GGACT: variants seen among roughly 807,000 people sequenced by gnomAD.
The protein encoded by GGACT is gamma-glutamylamine cyclotransferase, also known as gamma-glutamylaminecyclotransferase.
For synonymous variants in GGACT, 118 were observed against 115.3 expected, an observed-to-expected ratio of 1.02 and a Z score of -0.15; for missense variants, 241 against 233.2, an observed-to-expected ratio of 1.03 and a Z score of -0.22.
chr13:100,585,562 G>C (rs916252600), intron 1 of GGACT, among the ~76,000 whole-genome samples: 7 of 152,076 alleles, frequency 4.6e-5, no homozygotes, highest in African/African-American at 1.7e-4. Flanking sequence ...GAGTTCAGGA[G>C]CTCCAGACCA....
intron 2 of GGACT, among the ~76,000 whole-genome samples, chr13:100,581,574 C>T (rs1403171191): frequency 6.6e-6 from 1 of 152,214 alleles, no homozygotes; most frequent in Non-Finnish European, 1.5e-5. Flanking sequence ...AGATAACCCT[C>T]CTGCACGGAA....
rs1025783917 is a variant in GGACT, at chr13:100,545,827, C to A, written c.-10-13226G>T. ...TTGCAAGCAGAACCTGTTCCCCCTA[C>A]AGAAGGAAGTAAGGGTTCGGAGAAT... On this transcript the variant is annotated intron_variant, in intron 2 of 2. Coordinates refer to ENST00000683975, the MANE Select transcript of GGACT (RefSeq NM_001195087.2). This position sits in a 1 kb window ranked among gnomAD's most constrained non-coding sequence, Gnocchi z 4.4. Among the ~76,000 whole-genome samples, 7 of 152,198 alleles carry A rather than the reference C, an allele frequency of 4.6e-5. No homozygotes were observed. The highest frequency in any genetic ancestry group is 1.3e-4 in the Admixed American group (2 of 15,282).
chr13:100,585,752 G>A (rs1412279292), intron 1 of GGACT, among the ~76,000 whole-genome samples: 16 of 134,610 alleles, frequency 1.2e-4, no homozygotes, highest in Non-Finnish European at 2.2e-4. Flanking sequence ...TGGGTGACAA[G>A]AGTGAGTGAG....
intron 2 of GGACT, among the ~76,000 whole-genome samples, chr13:100,548,815 C>T (rs2088631352): frequency 1.3e-5 from 2 of 152,244 alleles, no homozygotes; most frequent in African/African-American, 4.8e-5. Context: ...AAGGCAAAGC[C>T]ACAACAGGGT....
At position 100,532,148 on chromosome 13, in the gene GGACT, G is replaced by T; in HGVS notation, c.444C>A (p.Asn148Lys). 6.9e-7 allele frequency: 1 copy of T among 1,453,482 alleles called. No individual in the cohort carries two copies. The highest frequency in any genetic ancestry group is 9.1e-7 in the Non-Finnish European group (1 of 1,097,782). The allele number at this position is 1,453,482 out of a possible 1,614,324, so 90.0% of individuals were successfully genotyped here. A position where few individuals can be genotyped will look rare whatever the true frequency, so the allele number is the denominator to read the frequency against. The stretch of plus-strand genomic sequence containing the variant: ...GTCCCCCTTATCTGTTCTCCCGGGG[G>T]TTGTAGCGCAGCCCGTGCGGCCCCT... Reference protein sequence around the residue: ...DSEGPHGLRYNPRENR With the variant: ...DSEGPHGLRYKPRENR Residue 148 changes from asparagine to lysine, a missense_variant, in exon 3 of 3, where the codon AAC (asparagine) becomes AAA (lysine). Physicochemically the swap from Asn to Lys is moderately conservative, Grantham distance 94. Transcript: ENST00000683975.
chr13:100,549,135 G>A (rs1396620509), intron 2 of GGACT, among the ~76,000 whole-genome samples: 1 of 152,122 alleles, frequency 6.6e-6, no homozygotes. Context: ...TTCACCTGAG[G>A]TCAGGAGTTC....
At chr13:100,579,769 G>C (rs1041930459) in intron 2 of GGACT, among the ~76,000 whole-genome samples, 3 of 152,116 alleles carry the variant, frequency 2.0e-5, no homozygotes, top group Non-Finnish European at 2.9e-5. Flanking sequence ...GTTCACCCTG[G>C]GTCTCTGGGT....
rs772972695 is a variant in GGACT, at chr13:100,532,375, G to A, written c.217C>T (p.Arg73Trp). 1 of 1,550,528 alleles carries A rather than the reference G, an allele frequency of 6.4e-7. No individual in the cohort carries two copies. Among genetic ancestry groups the A allele is most frequent in the Non-Finnish European group, 8.7e-7 (1 of 1,146,644 alleles). ...AAGTCATCCAGAAAGCGCAGCATCC[G>A]CTCGTCTACCGCGTAGACCTCGCCC... ...VEGEVYAVDE[R>W]MLRFLDDFES... Residue 73 changes from arginine (R) to tryptophan (W), a missense_variant, in exon 3 of 3, where the codon CGG becomes TGG. By Grantham distance (101) the Arg-to-Trp change is moderately radical (BLOSUM62 -3). Transcript: ENST00000683975.
At chr13:100,544,786 A>T (rs1445722580) in intron 2 of GGACT, among the ~76,000 whole-genome samples, 2 of 152,256 alleles carry the variant, frequency 1.3e-5, no homozygotes, top group African/African-American at 4.8e-5. Flanking sequence ...CACCTTTAAA[A>T]TGTTCAGTGA....
At chr13:100,548,929 A>G (rs1328402390) in intron 2 of GGACT, among the ~76,000 whole-genome samples, 2 of 152,272 alleles carry the variant, frequency 1.3e-5, no homozygotes, top group African/African-American at 2.4e-5. Flanking sequence ...ATCAGCATGA[A>G]TTAGTCAAAG....
At chr13:100,540,265 G>C in intron 2 of GGACT, 1 of 1,199,930 alleles carries the variant, frequency 8.3e-7, no homozygotes, top group South Asian at 1.2e-5. Flanking sequence ...GGCACGGACC[G>C]GAGAGAGAGT....
chr13:100,586,938 GA>G (rs1432917505), intron 1 of GGACT: 2 of 152,090 alleles, frequency 1.3e-5, no homozygotes, highest in African/African-American at 4.8e-5. Flanking sequence ...TTCAACTGAA[GA>G]ATGAATTCCT....
chr13:100,531,079 A>G lies in GGACT; in HGVS notation c.*1051T>C, dbSNP rs929521390. 6.6e-6 allele frequency: 1 copy of G among 152,264 alleles called. No homozygotes were observed. The highest frequency in any genetic ancestry group is 1.9e-4 in the East Asian group (1 of 5,202). 9.4% of individuals were successfully genotyped at this position (152,264 alleles called of 1,614,324 possible). ...AGTAAGTGAGCTCTCCCAACAGAGA[A>G]TGAGGTTACTAAAGATCACAGCAGC... is the stretch of plus-strand genomic sequence containing the variant. On this transcript the variant is annotated 3_prime_UTR_variant, in exon 3 of 3. Coordinates refer to ENST00000683975, the MANE Select transcript of GGACT (RefSeq NM_001195087.2).
chr13:100,544,417 C>T (rs1462529170), intron 2 of GGACT, among the ~76,000 whole-genome samples: 1 of 152,232 alleles, frequency 6.6e-6, no homozygotes, highest in African/African-American at 2.4e-5. Context: ...TTCGTTTTGT[C>T]GCTTGCTAGT....
chr13:100,584,978 G>C (rs189051552), intron 1 of GGACT, among the ~76,000 whole-genome samples: 11 of 152,244 alleles, frequency 7.2e-5, no homozygotes, highest in African/African-American at 2.4e-4. Flanking sequence ...TTTAAAGTCA[G>C]ATAAATTTAG....
In GGACT at chr13:100,534,844, A is replaced by G. The variant is rs971934229; in HGVS notation, c.-10-2243T>C. On this transcript the variant is annotated intron_variant, in intron 2 of 2. Transcript: ENST00000683975. The surrounding 1 kb of genome is among the most constrained non-coding windows in gnomAD (Gnocchi z 4.9). ...CTTGTCAATCTCCTGCTGCAGACTTAACTCTCCCACCTCATCTCCTGCACC... is the reference window on the plus strand; with the variant it reads ...CTTGTCAATCTCCTGCTGCAGACTTGACTCTCCCACCTCATCTCCTGCACC... Among the ~76,000 whole-genome samples the G allele has an allele frequency of 1.6e-4, 25 of 151,974 alleles. No individual in the cohort carries two copies. Among genetic ancestry groups the G allele is most frequent in the Non-Finnish European group, 2.6e-4 (18 of 67,980 alleles).
At chr13:100,567,324 T>C (rs1412042741) in intron 2 of GGACT, among the ~76,000 whole-genome samples, 3 of 152,242 alleles carry the variant, frequency 2.0e-5, no homozygotes, top group African/African-American at 7.2e-5. Context: ...ACTTATGGTT[T>C]CCTATTATAT....
chr13:100,546,912 C>T (rs1159196571), intron 2 of GGACT, among the ~76,000 whole-genome samples: 1 of 152,182 alleles, frequency 6.6e-6, no homozygotes, highest in Non-Finnish European at 1.5e-5. Flanking sequence ...CTTCCTTTCA[C>T]CCCCCTACGT....
chr13:100,566,760 T>C (rs1161494584), intron 2 of GGACT, among the ~76,000 whole-genome samples: 1 of 152,252 alleles, frequency 6.6e-6, no homozygotes, highest in African/African-American at 2.4e-5. Flanking sequence ...CTGATCTCAC[T>C]ACACTACAAC....
Sources: gnomAD v4.1 joint callset for allele counts (sites outside exome capture counted in the v4.1 genomes callset) on GRCh38, gnomAD v4.1.1 for gene constraint, Gnocchi (gnomAD v3.1) non-coding constraint, MANE v1.5 for transcripts, NCBI Gene and HGNC (gene_info 2026-07-23, HGNC 2026-07-21) for gene names.